OVCH1: variants seen among roughly 807,000 people sequenced by gnomAD.
OVCH1 encodes the protein ovochymase-1.
In OVCH1, 139 loss-of-function variants were observed where a neutral mutation model predicts 138.4. The ratio of observed to expected loss-of-function variants is 1.00; its 90% CI spans 0.87 to 1.16. OVCH1 has a LOEUF of 1.16. OVCH1 is among the 50% of genes most tolerant of loss of function. OVCH1 has a pLI of 0.00. For synonymous variants in OVCH1, 453 were observed against 467.8 expected, an observed-to-expected ratio of 0.97 and a Z score of 0.41; for missense variants, 1,367 against 1,357.9, an observed-to-expected ratio of 1.01 and a Z score of -0.11.
Position 29,454,942 on chromosome 12 carries a change from G to A in OVCH1, c.2438-9C>T. ...CTGAAGTGAAGCAGGACCTGTATTTGGGGAGAACATGTTAAAAATAAAGAT... is the reference window on the plus strand; with the variant it reads ...CTGAAGTGAAGCAGGACCTGTATTTAGGGAGAACATGTTAAAAATAAAGAT... On this transcript the variant is annotated splice_polypyrimidine_tract_variant and intron_variant, in intron 20 of 27. Transcript: ENST00000318184. 6.3e-7 allele frequency: 1 copy of A among 1,592,120 alleles called. No individual in the cohort carries two copies.
At chr12:29,477,226 C>T (rs1449696140) in exon 12 of OVCH1, 2 of 1,613,574 alleles carry the variant, frequency 1.2e-6, no homozygotes, top group Non-Finnish European at 1.7e-6. Flanking sequence ...ACTCCCACAA[C>T]CTGACCCTGT....
At chr12:29,408,416 C>T (rs1165301921), downstream of OVCH1, among the ~76,000 whole-genome samples, 8 of 108,200 alleles carry the variant, frequency 7.4e-5, no homozygotes, top group Non-Finnish European at 1.4e-4. Context: ...CCAGTTTTTG[C>T]CCATTCAGTA....
chr12:29,459,246 C>G (rs1942051475), intron 19 of OVCH1, among the ~76,000 whole-genome samples: 1 of 152,142 alleles, frequency 6.6e-6, no homozygotes, highest in Admixed American at 6.6e-5. Flanking sequence ...TATCCATCAA[C>G]AGATGAATGG....
chr12:29,487,619 T>G, intron 7 of OVCH1, 74 bp downstream of exon 7: 1 of 1,378,816 alleles, frequency 7.3e-7, no homozygotes, highest in Non-Finnish European at 9.9e-7. Flanking sequence ...AAAGCTTAGT[T>G]CTGATAATAT....
At chr12:29,441,259 T>C (rs1941477915) in intron 25 of OVCH1, among the ~76,000 whole-genome samples, 1 of 152,130 alleles carries the variant, frequency 6.6e-6, no homozygotes. Flanking sequence ...ATGGCACTGG[T>C]ACCAAAACAG....
At chr12:29,485,668 C>T (rs1279977184) in intron 8 of OVCH1, among the ~76,000 whole-genome samples, 8 of 151,974 alleles carry the variant, frequency 5.3e-5, no homozygotes, top group African/African-American at 1.9e-4. Flanking sequence ...CCCAGCTACT[C>T]GGGAGGCTGA....
chr12:29,405,041 AAAAAAAAAAAAAAAAC>A, the OVCH1 span, among the ~76,000 whole-genome samples: 1 of 123,382 alleles, frequency 8.1e-6, no homozygotes, highest in East Asian at 2.1e-4. Flanking sequence ...AAAAAAAAAA[AAAAAAAAAAAAAAAAC>A]AAAAGAAATG....
intron 24 of OVCH1, 95 bp from the exon 25 acceptor site, chr12:29,443,595 C>T: frequency 1.7e-6 from 2 of 1,186,940 alleles, no homozygotes. Context: ...TGTTATTGAC[C>T]CCCAGTGAGC....
chr12:29,410,607 G>A (rs4631923), downstream of OVCH1, among the ~76,000 whole-genome samples: 60,092 of 104,166 alleles, frequency 0.58, 19,482 homozygotes, highest in Middle Eastern at 0.87. Context: ...TGGGTTGAAA[G>A]TTCTTTTCTT....
At position 29,430,972 on chromosome 12, in the gene OVCH1, C is replaced by T. The variant is rs150586210; in HGVS notation, c.3327+2779G>A. The T allele has an allele frequency of 1.4e-3, 713 of 507,490 alleles. 5 individuals carry two copies. The highest frequency in any genetic ancestry group is 8.7e-3 in the African/African-American group (448 of 51,690). The allele number at this position is 507,490 out of a possible 1,614,324, so 31.4% of individuals were successfully genotyped here. A position where few individuals can be genotyped will look rare whatever the true frequency, so the allele number is the denominator to read the frequency against. On this transcript the variant is annotated intron_variant, in intron 27 of 27. Coordinates refer to ENST00000318184, the Ensembl canonical transcript of OVCH1. Reference sequence around the variant, plus strand: ...ACGGTTTGCTAAGGCACCAAGCAATCTCCCAAGGCTATGATTGTATTTAAT... The same window carrying T: ...ACGGTTTGCTAAGGCACCAAGCAATTTCCCAAGGCTATGATTGTATTTAAT...
At chr12:29,477,595 A>T in intron 9 of OVCH1, 117 bp from the exon 11 acceptor site, 1 of 1,612,522 alleles carries the variant, frequency 6.2e-7, no homozygotes, top group Non-Finnish European at 8.5e-7. Flanking sequence ...ACACTAAACT[A>T]TTTAATGGTC....
rs1168592848 is a variant in OVCH1 at position 29,454,305 on chromosome 12, AAAAG to A, written c.2530+532_2530+535del. On this transcript the variant is annotated intron_variant, in intron 21 of 27. Transcript: ENST00000318184. ...ATGTATTGGGGAAGATGTGGGCAAC[AAAAG>A]AAAGACTGACCATTTGGAAACCAAG... is the stretch of plus-strand genomic sequence containing the variant. Among the ~76,000 whole-genome samples, 39 of 152,314 alleles carry A rather than the reference AAAAG, an allele frequency of 2.6e-4. No homozygotes were observed. In the East Asian group the frequency reaches 7.1e-3, roughly 28 times the overall value.
At chr12:29,441,748 A>C (rs368954172) in intron 25 of OVCH1, among the ~76,000 whole-genome samples, 55 of 152,200 alleles carry the variant, frequency 3.6e-4, no homozygotes, top group South Asian at 2.9e-3. Context: ...TATCCAGAAT[A>C]TACAATGAAC....
intron 19 of OVCH1, among the ~76,000 whole-genome samples, chr12:29,457,102 C>T (rs1941974105): frequency 6.6e-6 from 1 of 152,188 alleles, no homozygotes; most frequent in Non-Finnish European, 1.5e-5. Flanking sequence ...AGTTGCTAGT[C>T]TGTAATGTAG....
chr12:29,452,294 A>AC (rs1156340872), intron 21 of OVCH1, among the ~76,000 whole-genome samples: 3 of 152,170 alleles, frequency 2.0e-5, no homozygotes, highest in Non-Finnish European at 4.4e-5. Context: ...TTAATACTGT[A>AC]CCTGAGGAGG....
At chr12:29,473,940 T>G (rs1942603929) in intron 14 of OVCH1, among the ~76,000 whole-genome samples, 1 of 152,258 alleles carries the variant, frequency 6.6e-6, no homozygotes, top group African/African-American at 2.4e-5. Context: ...GGATGCTTCC[T>G]GCCCTAGAAC....
intron 3 of OVCH1, among the ~76,000 whole-genome samples, chr12:29,417,744 T>C (rs1941049683): frequency 6.6e-6 from 1 of 150,884 alleles, no homozygotes; most frequent in African/African-American, 2.4e-5. Flanking sequence ...TTGTCCAAAA[T>C]GCAACCTGGC....
At chr12:29,476,785 AC>A (rs1565600710) in intron 12 of OVCH1, among the ~76,000 whole-genome samples, 2 of 122,828 alleles carry the variant, frequency 1.6e-5, no homozygotes, top group Non-Finnish European at 3.7e-5. Context: ...ACACACACAC[AC>A]ACACACACAC....
At chr12:29,485,808 TG>T (rs931309975) in intron 8 of OVCH1, among the ~76,000 whole-genome samples, 3 of 149,342 alleles carry the variant, frequency 2.0e-5, no homozygotes, top group Admixed American at 6.6e-5. Context: ...CTGGGTGTGG[TG>T]GGGGGTGCCT....
Sources: gnomAD v4.1 joint callset for allele counts (sites outside exome capture counted in the v4.1 genomes callset) on GRCh38, gnomAD v4.1.1 for gene constraint, MANE v1.5 for transcripts, NCBI Gene and HGNC (gene_info 2026-07-23, HGNC 2026-07-21) for gene names.